The following DNAH2 variants were observed in gnomAD, a reference collection of about 807,000 sequenced individuals.
The protein encoded by DNAH2 is axonemal beta dynein heavy chain 2.
Under a neutral mutation model 523.5 loss-of-function variants are expected in DNAH2, and 323 were observed. The observed-to-expected ratio is 0.62, with a 90% CI of 0.56 to 0.68. The LOEUF is 0.68. Among genes scored for constraint, DNAH2 ranks in the 30% least tolerant of loss-of-function variants. The pLI, the probability that DNAH2 is intolerant of heterozygous loss-of-function variation, is 0.00. For missense variants in DNAH2, 4,907 were observed against 5,701.5 expected (o/e 0.86, Z 4.49); for synonymous variants, 2,093 against 2,177.4 (o/e 0.96, Z 1.08).
In DNAH2 at chr17:7,821,628, C is replaced by T. The variant is rs563852998; in HGVS notation, c.11142+259C>T. On this transcript the variant is annotated intron_variant, in intron 73 of 85. Coordinates refer to ENST00000572933, the MANE Select transcript of DNAH2 (RefSeq NM_020877.5). The surrounding 1 kb of genome is among the most constrained non-coding windows in gnomAD (Gnocchi z 5.0). ...CCCACAAACTGGCCTGATCTTGCCG[C>T]TTTTTTACTGCCTTTCAAGGCACTC... 6.6e-6 allele frequency among the ~76,000 whole-genome samples: 1 copy of T among 152,270 alleles called. No homozygotes were observed. The highest frequency in any genetic ancestry group is 6.5e-5 in the Admixed American group (1 of 15,304).
chr17:7,817,370 G>A lies in DNAH2; in HGVS notation c.9975G>A (p.Leu3325=). The A allele has an allele frequency of 6.2e-7, 1 of 1,613,668 alleles. No homozygotes were observed. The highest frequency in any genetic ancestry group is 8.5e-7 in the Non-Finnish European group (1 of 1,179,924). Residue 3325 remains leucine (L), a synonymous_variant, in exon 65 of 86, where the codon CTG becomes CTA. Coordinates refer to ENST00000572933, the MANE Select transcript of DNAH2 (RefSeq NM_020877.5). ...TCCTGTCCTACATGGGACCCTTCCTGACCAACTACCGGGATGAGATTGTCA... is the reference window on the plus strand; with the variant it reads ...TCCTGTCCTACATGGGACCCTTCCTAACCAACTACCGGGATGAGATTGTCA... The part of the protein sequence containing the change: ...AAFLSYMGPF[L]TNYRDEIVNQ...
In DNAH2 at chr17:7,733,091, A is replaced by G; in HGVS notation, c.404A>G (p.Gln135Arg). Reference protein sequence around the residue: ...KLELGMPVQTQNQLVYFIRQA... With the variant: ...KLELGMPVQTRNQLVYFIRQA... ...GATCTGCTGTCTTCCATGCAGACCC[A>G]GAACCAGCTTGTCTACTTCATTCGC... is the stretch of plus-strand genomic sequence containing the variant. The change falls in exon 5 of 86, where the codon CAG becomes CGG. Residue 135 changes from glutamine to arginine, a missense_variant. By Grantham distance (43) the Gln-to-Arg change is conservative. Coordinates refer to ENST00000572933, the MANE Select transcript of DNAH2 (RefSeq NM_020877.5). The G allele has an allele frequency of 6.2e-7, 1 of 1,614,126 alleles. No individual in the cohort carries two copies. The highest frequency in any genetic ancestry group is 8.5e-7 in the Non-Finnish European group (1 of 1,180,018).
chr17:7,734,144 A>C, intron 5 of DNAH2, 39 bp from the exon 6 acceptor site: 1 of 1,538,426 alleles, frequency 6.5e-7, no homozygotes, highest in Non-Finnish European at 8.8e-7. Flanking sequence ...GCAAGAACTC[A>C]TCCCCTCTGT....
chr17:7,732,957 C>G (rs1043943000), intron 4 of DNAH2, 130 bp from the exon 5 acceptor site: 10 of 828,206 alleles, frequency 1.2e-5, no homozygotes, highest in Non-Finnish European at 1.9e-5. Context: ...GGAAGCACTT[C>G]ATGGCACTTC....
rs1239126060 is a variant in DNAH2 at position 7,779,209 on chromosome 17, C to T, written c.5542-34C>T. 2.5e-6 allele frequency: 4 copies of T among 1,606,206 alleles called. No homozygotes were observed. In the African/African-American group the frequency reaches 4.0e-5, roughly 16 times the overall value. Reference sequence around the variant, plus strand: ...CGCTTTCTAGCCTCTTGGGGCACCTCTCGCTCCCAGTGACTCTGCCTTGCA... The same window carrying T: ...CGCTTTCTAGCCTCTTGGGGCACCTTTCGCTCCCAGTGACTCTGCCTTGCA... On this transcript the variant is annotated intron_variant, in intron 35 of 85. Transcript: ENST00000572933.
In DNAH2 at chr17:7,797,416, C is replaced by T. The variant is rs2077096511; in HGVS notation, c.7966C>T (p.Leu2656=). Residue 2656 remains leucine, a synonymous_variant, in exon 52 of 86, where the codon CTG becomes TTG. Transcript: ENST00000572933. ...TGCCCACAGAGTCTTCTCTGACCGG[C>T]TGGTTGATGCGGCAGACACAGAAGC... ...HECFRVFSDR[L]VDAADTEAFM... is the part of the protein sequence containing the mutation. 1 of 1,614,160 alleles carries T rather than the reference C, an allele frequency of 6.2e-7. No homozygotes were observed. The highest frequency in any genetic ancestry group is 8.5e-7 in the Non-Finnish European group (1 of 1,180,034).
At chr17:7,734,068 G>A in intron 5 of DNAH2, 115 bp from the exon 6 acceptor site, 1 of 835,978 alleles carries the variant, frequency 1.2e-6, no homozygotes, top group Non-Finnish European at 1.8e-6. Flanking sequence ...TCTTCTACCT[G>A]CTCTCCTGAA....
chr17:7,738,889 C>T, intron 8 of DNAH2: 1 of 696,140 alleles, frequency 1.4e-6, no homozygotes, highest in South Asian at 1.5e-5. Context: ...CCAGACTGCT[C>T]TTGCCTTCCA....
In DNAH2 at chr17:7,832,631, G is replaced by T. The variant is rs780600251; in HGVS notation, c.12779G>T (p.Arg4260Leu). The T allele has an allele frequency of 6.2e-7, 1 of 1,614,034 alleles. No homozygotes were observed. Among genetic ancestry groups the T allele is most frequent in the East Asian group, 2.2e-5 (1 of 44,900 alleles). Reference sequence around the variant, plus strand: ...GCCTGGACCCGGGACTTGGCCATGCGTGTGGAGCAGTTTGAGCTGTGGGCC... The same window carrying T: ...GCCTGGACCCGGGACTTGGCCATGCTTGTGGAGCAGTTTGAGCTGTGGGCC... Reference protein sequence around the residue: ...LAAWTRDLAMRVEQFELWASR... With the variant: ...LAAWTRDLAMLVEQFELWASR... Residue 4260 changes from arginine (R) to leucine (L), a missense_variant, in exon 83 of 86, where the codon CGT becomes CTT. This residue lies in a region of DNAH2 where 1,851 missense variants were observed against 2,139.4 expected (regional missense o/e 0.87). Coordinates refer to ENST00000572933, the MANE Select transcript of DNAH2 (RefSeq NM_020877.5). This position sits in a 1 kb window ranked among gnomAD's most constrained non-coding sequence, Gnocchi z 4.3.
At chr17:7,771,034 T>G in intron 27 of DNAH2, 101 bp downstream of exon 27, 2 of 1,309,000 alleles carry the variant, frequency 1.5e-6, no homozygotes, top group Non-Finnish European at 2.1e-6. Context: ...TCTCCTACCT[T>G]TAAAGTCACT....
chr17:7,789,035 G>T (rs867842240), intron 44 of DNAH2, among the ~76,000 whole-genome samples: 1 of 152,136 alleles, frequency 6.6e-6, no homozygotes, highest in Non-Finnish European at 1.5e-5. Flanking sequence ...GTGGTGGCAC[G>T]TGCCTGTAGT....
rs1305529987 is a variant in DNAH2 at position 7,798,220 on chromosome 17, G to A, written c.8294G>A (p.Gly2765Asp). Reference sequence around the variant, plus strand: ...AACATGCTCCTGGTGGGTATCGGGGGCAGCGGACGCCAGAGTCTGGCCCGC... The same window carrying A: ...AACATGCTCCTGGTGGGTATCGGGGACAGCGGACGCCAGAGTCTGGCCCGC... Reference protein sequence around the residue: ...RGNMLLVGIGGSGRQSLARLA... With the variant: ...RGNMLLVGIGDSGRQSLARLA... Residue 2765 changes from glycine (G) to aspartate (D), a missense_variant, in exon 54 of 86, where the codon GGC becomes GAC. Around this residue, in one of 3 missense-constraint regions of DNAH2, gnomAD observed 1,851 missense variants for 2,139.4 expected, o/e 0.87. Coordinates refer to ENST00000572933, the MANE Select transcript of DNAH2 (RefSeq NM_020877.5). The surrounding 1 kb of genome is among the most constrained non-coding windows in gnomAD (Gnocchi z 5.5). 1 of 1,613,620 alleles carries A rather than the reference G, an allele frequency of 6.2e-7. No homozygotes were observed. Among genetic ancestry groups the A allele is most frequent in the African/African-American group, 1.3e-5 (1 of 75,036 alleles).
rs1175789199 is a variant in DNAH2, at chr17:7,797,213, A to G, written c.7901A>G (p.His2634Arg). ...ATGCTTAGAGCCAACAAGGACTTCC[A>G]TGATACCAAGTCCAGCATCACACGG... ...QGMLRANKDF[H>R]DTKSSITRLW... Residue 2634 changes from histidine (H) to arginine (R), a missense_variant, in exon 51 of 86, where the codon CAT becomes CGT. Coordinates refer to ENST00000572933, the MANE Select transcript of DNAH2 (RefSeq NM_020877.5). The G allele has an allele frequency of 6.2e-7, 1 of 1,613,420 alleles. No homozygotes were observed. Among genetic ancestry groups the G allele is most frequent in the Non-Finnish European group, 8.5e-7 (1 of 1,179,908 alleles).
chr17:7,817,619 A>G lies in DNAH2; in HGVS notation c.10079A>G (p.Asn3360Ser), dbSNP rs373533260. 7 of 1,613,940 alleles carry G rather than the reference A, an allele frequency of 4.3e-6. No homozygotes were observed. The African/African-American group carries it at 6.7e-5, about 15-fold the overall frequency. ...PSFAIDNFLC[N>S]PTKVRDWNIQ... ...TTCGCCATCGATAACTTCCTGTGCA[A>G]TCCTACCAAAGTCCGGGACTGGAAC... Residue 3360 changes from asparagine to serine, a missense_variant, in exon 66 of 86, where the codon AAT (asparagine) becomes AGT (serine). Physicochemically the swap from Asn to Ser is conservative, Grantham distance 46. Transcript: ENST00000572933.
rs777572794 is a variant in DNAH2 at position 7,823,992 on chromosome 17, TC to T, written c.11478+11del. On this transcript the variant is annotated intron_variant, in intron 75 of 85. Transcript: ENST00000572933. ...GCTGAATATGAAGTCGGTCGGTGGC[TC>T]GGCTTCCTTGTCCCCACGGCCCATG... 3 of 1,610,128 alleles carry T rather than the reference TC, an allele frequency of 1.9e-6. No homozygotes were observed. The East Asian group carries it at 6.7e-5, about 36-fold the overall frequency.
At chr17:7,801,169 G>A (rs937976234) in intron 56 of DNAH2, among the ~76,000 whole-genome samples, 2 of 151,916 alleles carry the variant, frequency 1.3e-5, no homozygotes, top group Non-Finnish European at 2.9e-5. Context: ...TCCAGTGCCC[G>A]GCCTACCATT....
Position 7,797,780 on chromosome 17 carries a change from C to G in DNAH2, c.8181C>G (p.Pro2727=), listed in dbSNP as rs760174749. ...ETALNEYNLS[P]SVVPMQLVLF... is the part of the protein sequence containing the mutation. ...CTCTAAATGAGTATAACCTGTCACC[C>G]TCTGTCGTGCCCATGCAGCTAGTGC... The change falls in exon 53 of 86, where the codon CCC becomes CCG. Residue 2727 remains proline (P), a synonymous_variant. Coordinates refer to ENST00000572933, the MANE Select transcript of DNAH2 (RefSeq NM_020877.5). The G allele has an allele frequency of 6.2e-7, 1 of 1,614,054 alleles. No individual in the cohort carries two copies. The highest frequency in any genetic ancestry group is 8.5e-7 in the Non-Finnish European group (1 of 1,179,992).
chr17:7,752,833 A>C (rs563907815), intron 12 of DNAH2, among the ~76,000 whole-genome samples: 16 of 152,352 alleles, frequency 1.1e-4, no homozygotes, highest in Admixed American at 9.2e-4. Flanking sequence ...CCTCTCCCAC[A>C]TGCCCACTGA....
At chr17:7,829,140 G>A (rs1383073703) in intron 77 of DNAH2, among the ~76,000 whole-genome samples, 2 of 151,760 alleles carry the variant, frequency 1.3e-5, no homozygotes, top group Admixed American at 6.6e-5. Flanking sequence ...TCAGCCTCCC[G>A]AGTAGCTGGG....
Sources: allele counts gnomAD v4.1 joint callset (sites outside exome capture counted in the v4.1 genomes callset), GRCh38; gene constraint gnomAD v4.1.1; regional missense constraint gnomAD v4.1.1; non-coding constraint Gnocchi (gnomAD v3.1); transcripts MANE v1.5; gene names NCBI Gene and HGNC (gene_info 2026-07-23, HGNC 2026-07-21).